The following LMX1B variants were observed in gnomAD, a reference collection of about 807,000 sequenced individuals.
The protein encoded by LMX1B is LIM homeobox transcription factor 1 beta.
LMX1B carries 12 observed loss-of-function variants against 51.4 expected under a neutral mutation model. The observed-to-expected ratio is 0.23, with a 90% CI of 0.15 to 0.38. LMX1B has a LOEUF of 0.38. Among genes scored for constraint, LMX1B ranks in the 10% least tolerant of loss-of-function variants. The pLI is 1.00. For synonymous variants in LMX1B, 237 were observed against 235.4 expected, an observed-to-expected ratio of 1.01 and a Z score of -0.06; for missense variants, 445 against 571.1, an observed-to-expected ratio of 0.78 and a Z score of 2.25.
At chr9:126,616,313 C>T (rs1203570760) in intron 2 of LMX1B, among the ~76,000 whole-genome samples, 1 of 152,212 alleles carries the variant, frequency 6.6e-6, no homozygotes, top group Non-Finnish European at 1.5e-5. Context: ...CCGCTCTGCC[C>T]TGGTATAACC....
intron 2 of LMX1B, among the ~76,000 whole-genome samples, chr9:126,663,010 G>A (rs575893578): frequency 1.3e-5 from 2 of 152,324 alleles, no homozygotes; most frequent in African/African-American, 4.8e-5. Flanking sequence ...GGGATCTGGA[G>A]AGGAGCTTGG....
intron 2 of LMX1B, among the ~76,000 whole-genome samples, chr9:126,624,472 C>T (rs1347435062): frequency 6.6e-6 from 1 of 152,154 alleles, no homozygotes; most frequent in Non-Finnish European, 1.5e-5. Flanking sequence ...ATTGAGAGAA[C>T]AGAAAATTAG....
At chr9:126,676,542 T>A (rs144504161) in intron 2 of LMX1B, among the ~76,000 whole-genome samples, 28 of 152,266 alleles carry the variant, frequency 1.8e-4, no homozygotes, top group African/African-American at 6.5e-4. Context: ...ATGAGAAGCA[T>A]TTTGCCAGAC....
At chr9:126,636,365 G>C (rs757260459) in intron 2 of LMX1B, among the ~76,000 whole-genome samples, 1 of 152,132 alleles carries the variant, frequency 6.6e-6, no homozygotes, top group African/African-American at 2.4e-5. Context: ...AATTATCCAG[G>C]GAAAGAGGGC....
intron 6 of LMX1B, among the ~76,000 whole-genome samples, chr9:126,694,706 G>T (rs904817014): frequency 6.6e-6 from 1 of 152,184 alleles, no homozygotes; most frequent in Non-Finnish European, 1.5e-5. Flanking sequence ...AGTGTCCCAG[G>T]CTGGACTTGG....
intron 2 of LMX1B, among the ~76,000 whole-genome samples, chr9:126,688,381 C>T (rs565204035): frequency 3.9e-5 from 6 of 152,322 alleles, no homozygotes; most frequent in African/African-American, 1.4e-4. Context: ...GTGTGCTGAC[C>T]CTGGCCTGGG....
At chr9:126,665,167 G>A (rs914524042) in intron 2 of LMX1B, among the ~76,000 whole-genome samples, 2 of 152,174 alleles carry the variant, frequency 1.3e-5, no homozygotes, top group Admixed American at 1.3e-4. Flanking sequence ...ATGCCTTCGC[G>A]CCTCTCTGGC....
chr9:126,679,348 C>G (rs1394156259), intron 2 of LMX1B, among the ~76,000 whole-genome samples: 2 of 151,630 alleles, frequency 1.3e-5, no homozygotes, highest in African/African-American at 4.9e-5. Flanking sequence ...TATTTGTGAG[C>G]TGGATGGAGG....
intron 2 of LMX1B, among the ~76,000 whole-genome samples, chr9:126,624,786 A>T (rs1456698070): frequency 1.3e-5 from 2 of 151,986 alleles, no homozygotes; most frequent in African/African-American, 4.8e-5. Flanking sequence ...TAGGGGGATT[A>T]CAAAAACCCT....
chr9:126,625,757 C>G lies in LMX1B; in HGVS notation c.326+10188C>G, dbSNP rs146348560. On this transcript the variant is annotated intron_variant, in intron 2 of 7. Transcript: ENST00000373474. The surrounding 1 kb of genome is among the most constrained non-coding windows in gnomAD (Gnocchi z 5.3). ...CACCGTTTGCAGGGCTTTCCTGCGG[C>G]GCTCTGGCCGCAGAGACCCAGCCCT... Among the ~76,000 whole-genome samples, 1 of 152,342 alleles carries G rather than the reference C, an allele frequency of 6.6e-6. No homozygotes were observed. Among genetic ancestry groups the G allele is most frequent in the East Asian group, 1.9e-4 (1 of 5,172 alleles).
chr9:126,685,202 T>C (rs992191656), intron 2 of LMX1B, among the ~76,000 whole-genome samples: 2 of 151,946 alleles, frequency 1.3e-5, no homozygotes, highest in East Asian at 3.9e-4. Flanking sequence ...TTTAGCAAGA[T>C]GCAAAGGAAG....
At chr9:126,630,222 C>T (rs1345634453) in intron 2 of LMX1B, among the ~76,000 whole-genome samples, 1 of 149,912 alleles carries the variant, frequency 6.7e-6, no homozygotes. Context: ...AGAATTGGGG[C>T]TCAGAGGGGT....
rs1257543796 is a variant in LMX1B, at chr9:126,699,483, A to C, written c.*3032A>C. 1.3e-5 allele frequency: 2 copies of C among 152,254 alleles called. No homozygotes were observed. The highest frequency in any genetic ancestry group is 4.8e-5 in the African/African-American group (2 of 41,456). The allele number at this position is 152,254 out of a possible 1,614,324, so 9.4% of individuals were successfully genotyped here. ...TGACCCACAGACTGTTAAAGCCAGAAGGGACCTCAGAGAGTCCCTTATGCT... is the reference window on the plus strand; with the variant it reads ...TGACCCACAGACTGTTAAAGCCAGACGGGACCTCAGAGAGTCCCTTATGCT... On this transcript the variant is annotated 3_prime_UTR_variant, in exon 8 of 8. Transcript: ENST00000373474.
At position 126,615,805 on chromosome 9, in the gene LMX1B, G is replaced by A. The variant is rs542526948; in HGVS notation, c.326+236G>A. On this transcript the variant is annotated intron_variant, in intron 2 of 7. Coordinates refer to ENST00000373474, the MANE Select transcript of LMX1B (RefSeq NM_001174147.2). This position sits in a 1 kb window ranked among gnomAD's most constrained non-coding sequence, Gnocchi z 6.0. ...GCCCCCAGTTGCCATCCGTTGTCCC[G>A]GAATCCTGCGCTGGGCCGGCCGAGG... is the stretch of plus-strand genomic sequence containing the variant. Among the ~76,000 whole-genome samples, 3 of 152,330 alleles carry A rather than the reference G, an allele frequency of 2.0e-5. No homozygotes were observed. The highest frequency in any genetic ancestry group is 7.2e-5 in the African/African-American group (3 of 41,592).
chr9:126,663,091 C>T (rs1836276183), intron 2 of LMX1B, among the ~76,000 whole-genome samples: 1 of 152,126 alleles, frequency 6.6e-6, no homozygotes, highest in African/African-American at 2.4e-5. Flanking sequence ...AAGCGAATGT[C>T]CCTCTCTGAG....
chr9:126,637,916 C>T (rs563694748), intron 2 of LMX1B, among the ~76,000 whole-genome samples: 2 of 150,630 alleles, frequency 1.3e-5, no homozygotes, highest in East Asian at 4.0e-4. Flanking sequence ...GCTGTAGCCT[C>T]AGGGCCAAAG....
intron 2 of LMX1B, among the ~76,000 whole-genome samples, chr9:126,659,604 A>G (rs952614787): frequency 2.6e-5 from 4 of 152,006 alleles, no homozygotes; most frequent in African/African-American, 9.7e-5. Flanking sequence ...ATGTGTGTCT[A>G]TACTGGCCTT....
intron 6 of LMX1B, among the ~76,000 whole-genome samples, chr9:126,694,781 G>A (rs1406116530): frequency 2.0e-5 from 3 of 152,164 alleles, no homozygotes; most frequent in South Asian, 2.1e-4. Flanking sequence ...TCCTGGGGCT[G>A]CAGTCACTGC....
In LMX1B at chr9:126,697,936, C is replaced by T. The variant is rs572345292; in HGVS notation, c.*1485C>T. On this transcript the variant is annotated 3_prime_UTR_variant, in exon 8 of 8. Transcript: ENST00000373474. ...TGTTGCCCAGGCTGGAGTGCAATGGCGCGATCTCGGCTCACCACAACCTCC... is the reference window on the plus strand; with the variant it reads ...TGTTGCCCAGGCTGGAGTGCAATGGTGCGATCTCGGCTCACCACAACCTCC... The T allele has an allele frequency of 1.9e-4, 29 of 156,642 alleles. No individual in the cohort carries two copies. Among genetic ancestry groups the T allele is most frequent in the African/African-American group, 6.3e-4 (26 of 41,554 alleles). The allele number at this position is 156,642 out of a possible 1,614,324, so 9.7% of individuals were successfully genotyped here.
Sources: allele counts gnomAD v4.1 joint callset (sites outside exome capture counted in the v4.1 genomes callset), GRCh38; gene constraint gnomAD v4.1.1; non-coding constraint Gnocchi (gnomAD v3.1); transcripts MANE v1.5; gene names NCBI Gene and HGNC (gene_info 2026-07-23, HGNC 2026-07-21).